Variants in HDAC8 observed in about 807,000 individuals in gnomAD.
HDAC8 encodes the protein histone deacetylase-like 1.
A neutral mutation model predicts 32.2 loss-of-function variants in HDAC8; 1 was observed. That is an observed-to-expected ratio of 0.03 (90% CI 0.01 to 0.15). The LOEUF is 0.15. Ranked by LOEUF, HDAC8 falls within the 10% of genes least tolerant of loss-of-function variation. HDAC8 has a pLI of 1.00. For missense variants in HDAC8, 117 were observed against 300.0 expected (o/e 0.39, Z 4.51); for synonymous variants, 108 against 113.9 (o/e 0.95, Z 0.33).
At chrX:72,447,045 T>C (rs2047427127) in intron 9 of HDAC8, among the ~76,000 whole-genome samples, 1 of 112,153 alleles carries the variant, frequency 8.9e-6, no homozygotes, top group Admixed American at 9.4e-5. Context: ...TCTGAAACTA[T>C]TCCAAACAAT....
chrX:72,375,602 G>C (rs782479031), intron 9 of HDAC8, among the ~76,000 whole-genome samples: 1 of 110,264 alleles, frequency 9.1e-6, no homozygotes, highest in East Asian at 2.9e-4. Context: ...GGGAAGGGAG[G>C]GAAGAGAAGG....
chrX:72,521,505 C>A (rs930948133), intron 4 of HDAC8, among the ~76,000 whole-genome samples: 1 of 110,836 alleles, frequency 9.0e-6, no homozygotes, highest in South Asian at 3.9e-4. Flanking sequence ...CTGAGAGAAA[C>A]GGCTGATTCC....
chrX:72,371,591 A>G (rs1026833350), intron 9 of HDAC8, among the ~76,000 whole-genome samples: 5 of 111,777 alleles, frequency 4.5e-5, no homozygotes, highest in Non-Finnish European at 7.5e-5. Flanking sequence ...GAAAGCAGGA[A>G]GTGAAAGAAG....
intron 4 of HDAC8, among the ~76,000 whole-genome samples, chrX:72,560,017 G>T (rs1556115426): frequency 8.8e-6 from 1 of 113,135 alleles, no homozygotes; most frequent in Non-Finnish European, 1.9e-5. Flanking sequence ...CCCCGTCTGG[G>T]AAGTGAGGAG....
chrX:72,425,696 C>T (rs2046619836), intron 9 of HDAC8, among the ~76,000 whole-genome samples: 1 of 111,857 alleles, frequency 8.9e-6, no homozygotes, highest in Admixed American at 9.5e-5. Flanking sequence ...ACAGAGGTTT[C>T]TATGGATTTC....
chrX:72,454,434 G>A (rs1034384533), intron 9 of HDAC8, among the ~76,000 whole-genome samples: 8 of 112,026 alleles, frequency 7.1e-5, no homozygotes, highest in African/African-American at 2.6e-4. Context: ...ATCAGTAAGG[G>A]TTCTGACCCA....
intron 9 of HDAC8, among the ~76,000 whole-genome samples, chrX:72,418,730 A>G (rs1339143717): frequency 1.8e-5 from 2 of 111,633 alleles, no homozygotes; most frequent in Non-Finnish European, 3.8e-5. Context: ...AGACACATGC[A>G]TTCATTGTTT....
chrX:72,421,669 G>T (rs2046497032), intron 9 of HDAC8, among the ~76,000 whole-genome samples: 1 of 112,196 alleles, frequency 8.9e-6, no homozygotes, highest in African/African-American at 3.2e-5. Flanking sequence ...TAATCATGCA[G>T]AAAATAAAGA....
At chrX:72,370,271 C>T (rs1464037518) in intron 9 of HDAC8, among the ~76,000 whole-genome samples, 1 of 112,338 alleles carries the variant, frequency 8.9e-6, no homozygotes, top group Non-Finnish European at 1.9e-5. Context: ...CTGATTTGAA[C>T]AAATCCATGT....
At chrX:72,511,225 T>C (rs1206994223) in intron 4 of HDAC8, among the ~76,000 whole-genome samples, 2 of 112,152 alleles carry the variant, frequency 1.8e-5, no homozygotes, top group East Asian at 5.6e-4. Flanking sequence ...GAAAATTCAA[T>C]TAACCAGAAA....
At chrX:72,521,109 T>C (rs1209672959) in intron 4 of HDAC8, among the ~76,000 whole-genome samples, 2 of 111,892 alleles carry the variant, frequency 1.8e-5, no homozygotes, top group Non-Finnish European at 3.8e-5. Flanking sequence ...AATTTGAAAC[T>C]GTGTGAATAT....
chrX:72,497,464 T>C (rs1465412421), intron 4 of HDAC8, among the ~76,000 whole-genome samples: 3 of 111,925 alleles, frequency 2.7e-5, no homozygotes, highest in African/African-American at 9.7e-5. Flanking sequence ...AGAATTCAAG[T>C]TCATATAATT....
intron 9 of HDAC8, among the ~76,000 whole-genome samples, chrX:72,434,002 C>A (rs1048911785): frequency 8.9e-6 from 1 of 112,509 alleles, no homozygotes; most frequent in East Asian, 2.8e-4. Context: ...TACAATAATG[C>A]TTTGAGAACT....
At chrX:72,365,589 G>A (rs1355241107) in intron 9 of HDAC8, among the ~76,000 whole-genome samples, 1 of 111,199 alleles carries the variant, frequency 9.0e-6, no homozygotes, top group Non-Finnish European at 1.9e-5. Context: ...AGGAAGAGAA[G>A]GTATGAAATG....
At chrX:72,371,420 A>G (rs1393010531) in intron 9 of HDAC8, among the ~76,000 whole-genome samples, 3 of 111,984 alleles carry the variant, frequency 2.7e-5, no homozygotes, top group Non-Finnish European at 5.6e-5. Context: ...GACAGCTACC[A>G]GGAATGAGAT....
At chrX:72,524,019 G>T (rs1296303046) in intron 4 of HDAC8, among the ~76,000 whole-genome samples, 1 of 112,097 alleles carries the variant, frequency 8.9e-6, no homozygotes, top group Non-Finnish European at 1.9e-5. Context: ...TTCTGTAAAT[G>T]AAGTTTTATT....
intron 9 of HDAC8, among the ~76,000 whole-genome samples, chrX:72,405,814 T>A (rs1415395350): frequency 8.9e-6 from 1 of 112,292 alleles, no homozygotes; most frequent in African/African-American, 3.2e-5. Context: ...AGTTTACTAA[T>A]TTATTTTCAA....
chrX:72,462,702 C>T (rs931201300), intron 8 of HDAC8, among the ~76,000 whole-genome samples: 16 of 111,480 alleles, frequency 1.4e-4, no homozygotes, highest in African/African-American at 4.6e-4. Context: ...CCCATCTCGT[C>T]AGGTCCTGTC....
intron 4 of HDAC8, among the ~76,000 whole-genome samples, chrX:72,556,052 C>T (rs2051271565): frequency 8.9e-6 from 1 of 111,918 alleles, no homozygotes; most frequent in East Asian, 2.8e-4. Flanking sequence ...TAACAGATTT[C>T]TCAGCAGAAA....
Sources: gnomAD v4.1 joint callset for allele counts (sites outside exome capture counted in the v4.1 genomes callset) on GRCh38, gnomAD v4.1.1 for gene constraint, MANE v1.5 for transcripts, NCBI Gene and HGNC (gene_info 2026-07-23, HGNC 2026-07-21) for gene names.